CSMD2: variants seen among roughly 807,000 people sequenced by gnomAD.
The protein encoded by CSMD2 is CUB and sushi domain-containing protein 2.
A neutral mutation model predicts 398.5 loss-of-function variants in CSMD2; 130 were observed. The observed-to-expected ratio is 0.33, with a 90% CI of 0.28 to 0.38. CSMD2 has a LOEUF of 0.38. CSMD2 is among the 10% of genes least tolerant of loss of function. The pLI is 1.00. For synonymous variants in CSMD2, 1,828 were observed against 1,908.5 expected (o/e 0.96, Z 1.10); for missense variants, 3,829 against 4,764.9 (o/e 0.80, Z 5.78).
intron 12 of CSMD2, among the ~76,000 whole-genome samples, chr1:33,786,439 T>A (rs532573990): frequency 6.6e-6 from 1 of 152,334 alleles, no homozygotes; most frequent in South Asian, 2.1e-4. Flanking sequence ...GGTCTCCTGA[T>A]AGTTTTGTCT....
chr1:33,864,344 C>T, intron 5 of CSMD2: 1 of 1,613,826 alleles, frequency 6.2e-7, no homozygotes, highest in South Asian at 1.1e-5. Flanking sequence ...AATGGAGATC[C>T]ATCTCAAAGC....
chr1:33,708,618 T>TTATTATTATTATTATTATTATTA, intron 22 of CSMD2, among the ~76,000 whole-genome samples: 1 of 10,278 alleles, frequency 9.7e-5, no homozygotes, highest in Non-Finnish European at 1.7e-4. Context: ...TATTATTATT[T>TTATTATTATTATTATTATTATTA]TGAGACAGGG....
intron 22 of CSMD2, among the ~76,000 whole-genome samples, chr1:33,706,819 C>T (rs1022342393): frequency 1.3e-5 from 2 of 150,714 alleles, no homozygotes; most frequent in African/African-American, 2.4e-5. Context: ...TGTGTTTGTG[C>T]GTGCGTGTGT....
chr1:33,632,674 G>A (rs537374011), intron 32 of CSMD2, among the ~76,000 whole-genome samples: 1 of 152,092 alleles, frequency 6.6e-6, no homozygotes, highest in South Asian at 2.1e-4. Context: ...TTTCTAGAGG[G>A]ATATTTGATA....
intron 22 of CSMD2, among the ~76,000 whole-genome samples, chr1:33,702,740 G>A (rs1425571139): frequency 6.6e-6 from 1 of 152,134 alleles, no homozygotes; most frequent in African/African-American, 2.4e-5. Flanking sequence ...CAATCTGCAA[G>A]ATAATTATTT....
chr1:33,950,151 A>T (rs1644958468), intron 3 of CSMD2, among the ~76,000 whole-genome samples: 1 of 151,988 alleles, frequency 6.6e-6, no homozygotes, highest in Admixed American at 6.6e-5. Flanking sequence ...GGACTTGGAG[A>T]TAGCCTCCTC....
Position 33,535,934 on chromosome 1 carries a change from G to A in CSMD2, c.9879+1088C>T, listed in dbSNP as rs1016968242. Among the ~76,000 whole-genome samples, 5 of 151,936 alleles carry A rather than the reference G, an allele frequency of 3.3e-5. No individual in the cohort carries two copies. In the East Asian group the frequency reaches 5.8e-4, roughly 18 times the overall value. On this transcript the variant is annotated intron_variant, in intron 62 of 70. Transcript: ENST00000373381. ...TTCACACCCCTTTATATCAATCACC[G>A]TGTCGTGTCTACTGCTCTCAGAAGC... is the stretch of plus-strand genomic sequence containing the variant.
chr1:33,836,013 G>A (rs556292060), intron 6 of CSMD2, among the ~76,000 whole-genome samples: 49 of 152,308 alleles, frequency 3.2e-4, no homozygotes, highest in Admixed American at 9.2e-4. Context: ...TTTGGTCTTT[G>A]ATGATGGTGA....
At chr1:33,582,918 G>A (rs1322572538) in intron 47 of CSMD2, among the ~76,000 whole-genome samples, 1 of 152,206 alleles carries the variant, frequency 6.6e-6, no homozygotes, top group Admixed American at 6.5e-5. Flanking sequence ...CTTCAGAAAT[G>A]AGGATCAGAA....
chr1:33,623,235 G>T, intron 36 of CSMD2, 135 bp downstream of exon 36: 1 of 671,060 alleles, frequency 1.5e-6, no homozygotes, highest in South Asian at 1.9e-5. Flanking sequence ...GAAAACCACT[G>T]ATGTGTCCAC....
intron 5 of CSMD2, chr1:33,868,854 G>A (rs1298581348): frequency 6.6e-6 from 1 of 152,178 alleles, no homozygotes; most frequent in African/African-American, 2.4e-5. Flanking sequence ...AGATAGGATA[G>A]AGGGCACTTG....
intron 1 of CSMD2, among the ~76,000 whole-genome samples, chr1:34,141,235 C>A (rs565189544): frequency 1.9e-4 from 29 of 151,214 alleles, no homozygotes; most frequent in Non-Finnish European, 3.8e-4. Flanking sequence ...TGTATTCATT[C>A]ATTCAACATC....
intron 32 of CSMD2, among the ~76,000 whole-genome samples, chr1:33,631,094 T>C (rs1355031311): frequency 1.3e-5 from 2 of 151,276 alleles, no homozygotes; most frequent in African/African-American, 2.4e-5. Context: ...TGCAGAATAA[T>C]TGATAAATTG....
At chr1:33,632,882 G>A (rs1182730875) in intron 32 of CSMD2, among the ~76,000 whole-genome samples, 1 of 152,050 alleles carries the variant, frequency 6.6e-6, no homozygotes, top group Admixed American at 6.5e-5. Flanking sequence ...CTGTATGAGA[G>A]ACTACTATGT....
At chr1:34,066,670 G>A (rs968161053) in intron 2 of CSMD2, among the ~76,000 whole-genome samples, 2 of 152,104 alleles carry the variant, frequency 1.3e-5, no homozygotes, top group Non-Finnish European at 2.9e-5. Context: ...CCTAGCCTAG[G>A]GAGGCAGGGG....
intron 1 of CSMD2, among the ~76,000 whole-genome samples, chr1:34,127,343 A>G (rs1334455736): frequency 6.6e-6 from 1 of 152,218 alleles, no homozygotes; most frequent in African/African-American, 2.4e-5. Flanking sequence ...AACCTGTTTT[A>G]AATTCAAGGA....
chr1:33,958,588 G>A (rs1645245724), intron 3 of CSMD2, among the ~76,000 whole-genome samples: 1 of 152,204 alleles, frequency 6.6e-6, no homozygotes, highest in Non-Finnish European at 1.5e-5. Flanking sequence ...GGTAAGCCCT[G>A]AGGGTTTAGA....
intron 4 of CSMD2, among the ~76,000 whole-genome samples, chr1:33,920,542 CAAAAAAAAAAAAAAA>C (rs58865984): frequency 1.2e-5 from 1 of 84,214 alleles, no homozygotes; most frequent in Non-Finnish European, 2.4e-5. Flanking sequence ...CAATCTGTCT[CAAAAAAAAAAAAAAA>C]AAAAAAAAGA....
chr1:33,937,054 T>C lies in CSMD2; in HGVS notation c.518-1100A>G, dbSNP rs192132168. 1.5e-3 allele frequency among the ~76,000 whole-genome samples: 227 copies of C among 152,352 alleles called. 1 individual carries two copies. The highest frequency in any genetic ancestry group is 3.7e-3 in the African/African-American group (155 of 41,576). ...TAAGTCTTTTAACCTTTTTGCACTT[T>C]AGTTTCCTCATTTGTAAGATAGGGA... On this transcript the variant is annotated intron_variant, in intron 3 of 70. Coordinates refer to ENST00000373381, the MANE Select transcript of CSMD2 (RefSeq NM_001281956.2).
Sources: gnomAD v4.1 joint callset for allele counts (sites outside exome capture counted in the v4.1 genomes callset) on GRCh38, gnomAD v4.1.1 for gene constraint, MANE v1.5 for transcripts, NCBI Gene and HGNC (gene_info 2026-07-23, HGNC 2026-07-21) for gene names.